Variants in BOD1L1 observed in about 807,000 individuals in gnomAD.
BOD1L1 encodes the protein biorientation of chromosomes in cell division 1 like 1.
Under a neutral mutation model 240.7 loss-of-function variants are expected in BOD1L1, and 86 were observed. The ratio of observed to expected loss-of-function variants is 0.36; its 90% CI spans 0.30 to 0.43. The LOEUF is 0.43. Ranked by LOEUF, BOD1L1 falls within the 20% of genes least tolerant of loss-of-function variation. BOD1L1 has a pLI of 1.00. For synonymous variants in BOD1L1, 1,268 were observed against 1,272.3 expected (o/e 1.00, Z 0.07); for missense variants, 3,554 against 3,643.5 (o/e 0.98, Z 0.63).
Position 13,601,909 on chromosome 4 carries a change from T to A in BOD1L1, c.4991A>T (p.Asp1664Val). The stretch of plus-strand genomic sequence containing the variant: ...TTCTGAGTCTCTACTTAAAGAACCA[T>A]CACATTTTTCTTCAGAGCCTGCACT... The part of the protein sequence containing the change: ...VTSAGSEEKC[D>V]GSLSRDSEIV... Residue 1664 changes from aspartate (D) to valine (V), a missense_variant, in exon 10 of 26, where the codon GAT (aspartate) becomes GTT (valine). Asp to Val is a radical substitution (Grantham distance 152). Around this residue, in one of 2 missense-constraint regions of BOD1L1, gnomAD observed 3,393 missense variants for 3,427.1 expected, o/e 0.99. Transcript: ENST00000040738. 1 of 1,613,964 alleles carries A rather than the reference T, an allele frequency of 6.2e-7. No individual in the cohort carries two copies. Among genetic ancestry groups the A allele is most frequent in the South Asian group, 1.1e-5 (1 of 91,084 alleles).
At chr4:13,588,009 C>A (rs989025394) in intron 15 of BOD1L1, among the ~76,000 whole-genome samples, 1 of 152,052 alleles carries the variant, frequency 6.6e-6, no homozygotes, top group African/African-American at 2.4e-5. Flanking sequence ...CACGGTGAAA[C>A]CCCGTCTCTA....
chr4:13,615,552 G>C lies in BOD1L1; in HGVS notation c.369-50C>G, dbSNP rs1716521606. The stretch of plus-strand genomic sequence containing the variant: ...AAGGTGAAAAAATAATATATTATTT[G>C]CATTAATTACTTTAAAATAACACTC... On this transcript the variant is annotated intron_variant, in intron 2 of 25. Transcript: ENST00000040738. 5 of 1,453,780 alleles carry C rather than the reference G, an allele frequency of 3.4e-6. No individual in the cohort carries two copies. The East Asian group carries it at 1.2e-4, about 35-fold the overall frequency. 90.1% of individuals were successfully genotyped at this position (1,453,780 alleles called of 1,614,324 possible).
chr4:13,610,263 T>C (rs536253684), intron 6 of BOD1L1, among the ~76,000 whole-genome samples: 2 of 152,306 alleles, frequency 1.3e-5, no homozygotes, highest in Admixed American at 6.5e-5. Flanking sequence ...ATTGGAAATA[T>C]TTTTGAATCC....
At chr4:13,581,094 T>C (rs1713192010) in intron 20 of BOD1L1, 38 bp downstream of exon 20, 3 of 1,564,850 alleles carry the variant, frequency 1.9e-6, no homozygotes, top group Non-Finnish European at 2.6e-6. Context: ...GGTTCGAAAA[T>C]TTCTTGTGTG....
At chr4:13,579,583 A>C (rs576105370) in intron 22 of BOD1L1, among the ~76,000 whole-genome samples, 1 of 152,266 alleles carries the variant, frequency 6.6e-6, no homozygotes, top group Non-Finnish European at 1.5e-5. Context: ...CACAAAATGC[A>C]TACATATACA....
chr4:13,617,238 G>A (rs1320730154), intron 2 of BOD1L1, among the ~76,000 whole-genome samples: 3 of 70,918 alleles, frequency 4.2e-5, no homozygotes, highest in Non-Finnish European at 6.0e-5. Context: ...AGCGAACTCC[G>A]TCTCAAAAAA....
At chr4:13,608,281 G>A (rs1715872679) in intron 8 of BOD1L1, among the ~76,000 whole-genome samples, 1 of 152,148 alleles carries the variant, frequency 6.6e-6, no homozygotes, top group Non-Finnish European at 1.5e-5. Context: ...CATTTTTCAG[G>A]GGAGAGGGTC....
intron 1 of BOD1L1, chr4:13,625,882 G>A (rs1717350122): frequency 6.6e-6 from 1 of 152,064 alleles, no homozygotes. Flanking sequence ...TTTACATAGT[G>A]GGCCCAGTAT....
intron 25 of BOD1L1, among the ~76,000 whole-genome samples, chr4:13,576,485 T>C (rs909131723): frequency 2.0e-5 from 3 of 152,142 alleles, no homozygotes; most frequent in Admixed American, 6.5e-5. Flanking sequence ...GAATTAAGTA[T>C]GCTGAGAGCA....
At chr4:13,622,956 T>C (rs1180828352) in intron 1 of BOD1L1, among the ~76,000 whole-genome samples, 1 of 152,198 alleles carries the variant, frequency 6.6e-6, no homozygotes, top group Non-Finnish European at 1.5e-5. Context: ...CTCTTGTCAC[T>C]TTCCCCTTAG....
rs980659153 is a variant in BOD1L1, at chr4:13,620,060, T to C, written c.251A>G (p.Tyr84Cys). The change falls in exon 2 of 26, where the codon TAT becomes TGT. Residue 84 changes from tyrosine to cysteine, a missense_variant. Physicochemically the swap from Tyr to Cys is radical, Grantham distance 194. Coordinates refer to ENST00000040738, the MANE Select transcript of BOD1L1 (RefSeq NM_148894.3). The part of the protein sequence containing the change: ...CLADVDTKPA[Y>C]QNLRQRVDNF... Reference sequence around the variant, plus strand: ...GTCAACACGCTGTCTCAGATTCTGATACGCAGGCTAGAGAGAAAAAAACGA... The same window carrying C: ...GTCAACACGCTGTCTCAGATTCTGACACGCAGGCTAGAGAGAAAAAAACGA... The C allele has an allele frequency of 5.6e-6, 9 of 1,602,582 alleles. No homozygotes were observed. Among genetic ancestry groups the C allele is most frequent in the Non-Finnish European group, 6.0e-6 (7 of 1,173,838 alleles).
chr4:13,622,298 A>G (rs759463155), intron 1 of BOD1L1, among the ~76,000 whole-genome samples: 2 of 152,234 alleles, frequency 1.3e-5, no homozygotes, highest in Non-Finnish European at 2.9e-5. Flanking sequence ...TAGTCTTCCC[A>G]GAACAAGTTC....
At chr4:13,606,155 T>C (rs934201704) in intron 9 of BOD1L1, among the ~76,000 whole-genome samples, 4 of 152,146 alleles carry the variant, frequency 2.6e-5, no homozygotes, top group Non-Finnish European at 5.9e-5. Flanking sequence ...CCTTATTAAA[T>C]AGCTTAAAAT....
At chr4:13,589,477 T>G (rs1211439875) in intron 14 of BOD1L1, among the ~76,000 whole-genome samples, 1 of 152,158 alleles carries the variant, frequency 6.6e-6, no homozygotes, top group African/African-American at 2.4e-5. Flanking sequence ...TTAATATAAA[T>G]CAACAGAACA....
chr4:13,576,028 G>C (rs1167225213), intron 25 of BOD1L1, among the ~76,000 whole-genome samples: 1 of 146,716 alleles, frequency 6.8e-6, no homozygotes, highest in Non-Finnish European at 1.5e-5. Flanking sequence ...TCAGCCTCCC[G>C]AGTAGCTGGG....
chr4:13,582,164 C>A, intron 19 of BOD1L1, 73 bp downstream of exon 19: 1 of 1,261,124 alleles, frequency 7.9e-7, no homozygotes, highest in Non-Finnish European at 1.1e-6. Flanking sequence ...CTCAAGATAA[C>A]AGTATTTAAT....
rs1716119843 is a variant in BOD1L1 at position 13,611,022 on chromosome 4, T to C, written c.1403A>G (p.His468Arg). The C allele has an allele frequency of 6.2e-7, 1 of 1,612,346 alleles. No individual in the cohort carries two copies. The highest frequency in any genetic ancestry group is 8.5e-7 in the Non-Finnish European group (1 of 1,178,684). The change falls in exon 6 of 26, where the codon CAT becomes CGT. Residue 468 changes from histidine (H) to arginine (R), a missense_variant. By Grantham distance (29) the His-to-Arg change is conservative. Coordinates refer to ENST00000040738, the MANE Select transcript of BOD1L1 (RefSeq NM_148894.3). ...AAGATATGGTTTGTGGACATACGCATGCCGTACACTTTTTGTTTTTCCTTC... is the reference window on the plus strand; with the variant it reads ...AAGATATGGTTTGTGGACATACGCACGCCGTACACTTTTTGTTTTTCCTTC... Reference protein sequence around the residue: ...SSEGKTKSVRHAYVHKPYLYS... With the variant: ...SSEGKTKSVRRAYVHKPYLYS...
intron 8 of BOD1L1, among the ~76,000 whole-genome samples, chr4:13,607,669 T>C (rs1184278081): frequency 2.6e-5 from 4 of 152,202 alleles, no homozygotes; most frequent in Non-Finnish European, 4.4e-5. Flanking sequence ...CTATCAATTA[T>C]TGGTCAACAA....
intron 14 of BOD1L1, among the ~76,000 whole-genome samples, chr4:13,589,345 T>C (rs1326611187): frequency 1.3e-5 from 2 of 152,172 alleles, no homozygotes; most frequent in Non-Finnish European, 2.9e-5. Context: ...TATGAGAACA[T>C]ACACAGTAGC....
Sources: gnomAD v4.1 joint callset for allele counts (sites outside exome capture counted in the v4.1 genomes callset) on GRCh38, gnomAD v4.1.1 for gene constraint, gnomAD v4.1.1 regional missense constraint, MANE v1.5 for transcripts, NCBI Gene and HGNC (gene_info 2026-07-23, HGNC 2026-07-21) for gene names.